Variants in PSMC6 observed in about 807,000 individuals in gnomAD.
PSMC6 encodes 26S proteasome regulatory subunit 10B.
PSMC6 carries 3 observed loss-of-function variants against 55.9 expected under a neutral mutation model. That is an observed-to-expected ratio of 0.05 (90% CI 0.02 to 0.14). The LOEUF (loss-of-function observed/expected upper bound fraction) is 0.14. Ranked by LOEUF, PSMC6 falls within the 10% of genes least tolerant of loss-of-function variation. PSMC6 has a pLI of 1.00. For synonymous variants in PSMC6, 137 were observed against 155.9 expected (o/e 0.88, Z 0.90); for missense variants, 210 against 478.7 (o/e 0.44, Z 5.24).
chr14:52,708,573 C>T (rs1210863951), intron 3 of PSMC6, 51 bp downstream of exon 3: 1 of 1,576,936 alleles, frequency 6.3e-7, no homozygotes. Context: ...CCACCTCTCT[C>T]TCACTTTTGA....
At chr14:52,712,825 C>T (rs568820772) in intron 6 of PSMC6, among the ~76,000 whole-genome samples, 17 of 152,102 alleles carry the variant, frequency 1.1e-4, no homozygotes, top group Non-Finnish European at 2.1e-4. Context: ...CCATGTTGTC[C>T]AGGCTCTTCT....
intron 7 of PSMC6, 48 bp from the exon 8 acceptor site, chr14:52,718,033 T>A: frequency 1.3e-6 from 2 of 1,580,008 alleles, no homozygotes; most frequent in Non-Finnish European, 1.7e-6. Context: ...TCAAAACAAA[T>A]TTTTTTCTAC....
intron 7 of PSMC6, 71 bp from the exon 8 acceptor site, chr14:52,718,010 G>GT: frequency 7.2e-7 from 1 of 1,388,936 alleles, no homozygotes; most frequent in Non-Finnish European, 1.0e-6. Context: ...AGGTGACAGA[G>GT]TGATTGCCTG....
chr14:52,708,881 C>G (rs2041734171), intron 4 of PSMC6, 65 bp downstream of exon 4: 1 of 1,595,070 alleles, frequency 6.3e-7, no homozygotes, highest in Admixed American at 1.8e-5. Flanking sequence ...GTTATTGTCT[C>G]TAATTCTTGA....
At chr14:52,726,885 G>A (rs1015334829) in intron 13 of PSMC6, among the ~76,000 whole-genome samples, 3 of 151,970 alleles carry the variant, frequency 2.0e-5, no homozygotes, top group Non-Finnish European at 1.5e-5. Flanking sequence ...CAGGTAATCC[G>A]TCCACCTTGG....
chr14:52,714,351 A>G (rs1414396873), intron 7 of PSMC6, among the ~76,000 whole-genome samples: 1 of 152,162 alleles, frequency 6.6e-6, no homozygotes, highest in Non-Finnish European at 1.5e-5. Flanking sequence ...TAAGGTGGAA[A>G]TTTGATGTGG....
chr14:52,708,846 T>TCAG (rs2041733561), intron 4 of PSMC6, 30 bp downstream of exon 4: 2 of 1,607,510 alleles, frequency 1.2e-6, no homozygotes, highest in Non-Finnish European at 1.7e-6. Context: ...TAGTGCCTGA[T>TCAG]GATTGACAAA....
At chr14:52,718,504 C>T (rs1408803828) in intron 9 of PSMC6, 152 bp downstream of exon 9, 1 of 858,836 alleles carries the variant, frequency 1.2e-6, no homozygotes, top group African/African-American at 1.7e-5. Context: ...AATAACCTTT[C>T]ATGGCCGGGT....
rs757447561 is a variant in PSMC6 at position 52,727,651 on chromosome 14, ATGT to A, written c.*37_*39del. The A allele has an allele frequency of 7.2e-7, 1 of 1,395,040 alleles. No homozygotes were observed. Among genetic ancestry groups the A allele is most frequent in the Non-Finnish European group, 1.0e-6 (1 of 990,826 alleles). The allele number at this position is 1,395,040 out of a possible 1,614,324, so 86.4% of individuals were successfully genotyped here. On this transcript the variant is annotated 3_prime_UTR_variant, in exon 14 of 14. Transcript: ENST00000445930. The stretch of plus-strand genomic sequence containing the variant: ...AAGATTTTTGATGGCTGCATGACAG[ATGT>A]TGGCTTATTGTAAAAATAAAGTTAA...
intron 13 of PSMC6, among the ~76,000 whole-genome samples, chr14:52,726,734 C>G (rs1255177934): frequency 6.6e-6 from 1 of 151,642 alleles, no homozygotes; most frequent in Non-Finnish European, 1.5e-5. Flanking sequence ...CTCTGCCTCC[C>G]GGGTTCAAGC....
At chr14:52,711,008 AAATG>A in intron 4 of PSMC6, 89 bp from the exon 5 acceptor site, 3 of 811,288 alleles carry the variant, frequency 3.7e-6, no homozygotes, top group Non-Finnish European at 6.2e-6. Context: ...TGGAGGGTAA[AAATG>A]AGTGTTTGGC....
At chr14:52,713,629 G>A (rs561565205) in intron 6 of PSMC6, among the ~76,000 whole-genome samples, 8 of 152,218 alleles carry the variant, frequency 5.3e-5, no homozygotes, top group African/African-American at 1.7e-4. Context: ...TTATATATCT[G>A]TGTAACCATC....
intron 12 of PSMC6, chr14:52,722,924 AC>A (rs1880258202): frequency 6.6e-6 from 1 of 152,220 alleles, no homozygotes; most frequent in Non-Finnish European, 1.5e-5. Flanking sequence ...TGACCTCCAG[AC>A]TAGGGAAATC....
chr14:52,708,175 T>C, intron 1 of PSMC6, 134 bp from the exon 2 acceptor site: 2 of 710,012 alleles, frequency 2.8e-6, no homozygotes, highest in South Asian at 1.8e-5. Flanking sequence ...ATTATTTCTT[T>C]TATGGTTTGA....
In PSMC6 at chr14:52,727,902, G is replaced by A. The variant is rs1566663473; in HGVS notation, c.*285G>A. ...ATATTGAAAGTGGTTTGAGATAGTGGTATAAGAAAGCATTTCTTATGACTT... is the reference window on the plus strand; with the variant it reads ...ATATTGAAAGTGGTTTGAGATAGTGATATAAGAAAGCATTTCTTATGACTT... On this transcript the variant is annotated 3_prime_UTR_variant, in exon 14 of 14. Coordinates refer to ENST00000445930, the MANE Select transcript of PSMC6 (RefSeq NM_002806.5). 2 of 245,082 alleles carry A rather than the reference G, an allele frequency of 8.2e-6. No homozygotes were observed. Among genetic ancestry groups the A allele is most frequent in the Non-Finnish European group, 1.6e-5 (2 of 125,626 alleles). 15.2% of individuals were successfully genotyped at this position (245,082 alleles called of 1,614,324 possible).
At chr14:52,723,865 C>T in intron 12 of PSMC6, 100 bp from the exon 13 acceptor site, 2 of 1,517,810 alleles carry the variant, frequency 1.3e-6, no homozygotes, top group Non-Finnish European at 1.8e-6. Flanking sequence ...TCTAGCTGAT[C>T]AAACTCAAAG....
intron 6 of PSMC6, 126 bp downstream of exon 6, chr14:52,711,650 TTAC>T: frequency 2.1e-6 from 1 of 472,146 alleles, no homozygotes; most frequent in South Asian, 4.8e-5. Context: ...TATTATGTAT[TTAC>T]TATTCTTGCT....
intron 12 of PSMC6, 111 bp downstream of exon 12, chr14:52,721,301 G>A: frequency 2.2e-6 from 2 of 929,152 alleles, no homozygotes; most frequent in African/African-American, 1.7e-5. Context: ...CAAATGTGGT[G>A]GTTTTAAATT....
chr14:52,710,665 G>A (rs545226142), intron 4 of PSMC6: 122 of 183,584 alleles, frequency 6.6e-4, no homozygotes, highest in African/African-American at 2.3e-3. Context: ...AGGGGAAACC[G>A]TGCATTTTTC....
Sources: gnomAD v4.1 joint callset for allele counts (sites outside exome capture counted in the v4.1 genomes callset) on GRCh38, gnomAD v4.1.1 for gene constraint, MANE v1.5 for transcripts, NCBI Gene and HGNC (gene_info 2026-07-23, HGNC 2026-07-21) for gene names.